CSMD1: variants seen among roughly 807,000 people sequenced by gnomAD.
The protein encoded by CSMD1 is CUB and Sushi multiple domains 1.
Under a neutral mutation model 417.5 loss-of-function variants are expected in CSMD1, and 213 were observed. The ratio of observed to expected loss-of-function variants is 0.51; its 90% CI spans 0.46 to 0.57. The LOEUF (loss-of-function observed/expected upper bound fraction) is 0.57. Ranked by LOEUF, CSMD1 falls within the 20% of genes least tolerant of loss-of-function variation. CSMD1 has a pLI of 0.00. For synonymous variants in CSMD1, 2,862 were observed against 1,736.8 expected (o/e 1.65, Z -16.11); for missense variants, 6,923 against 4,529.7 (o/e 1.53, Z -15.17).
intron 1 of CSMD1, chr8:4,787,572 T>C (rs1429004490): frequency 4.7e-6 from 7 of 1,495,960 alleles, no homozygotes; most frequent in East Asian, 2.3e-5. Flanking sequence ...ACAGCTTTCA[T>C]TGCACCCCAG....
In CSMD1 at chr8:3,537,771, A is replaced by G. The variant is rs117741756; in HGVS notation, c.1344+37174T>C. 9.3e-3 allele frequency among the ~76,000 whole-genome samples: 1,422 copies of G among 152,332 alleles called. 10 individuals are homozygous for G. Among genetic ancestry groups the G allele is most frequent in the Non-Finnish European group, 0.014 (986 of 68,012 alleles). On this transcript the variant is annotated intron_variant, in intron 10 of 69. Coordinates refer to ENST00000635120, the MANE Select transcript of CSMD1 (RefSeq NM_033225.6). ...TTTTATTTAGGACAGTAAAACAAGA[A>G]CACTTCACCAATTAAAGAGTCTCAT... is the stretch of plus-strand genomic sequence containing the variant.
At chr8:4,248,149 G>C (rs183496115) in intron 3 of CSMD1, among the ~76,000 whole-genome samples, 1 of 151,890 alleles carries the variant, frequency 6.6e-6, no homozygotes, top group African/African-American at 2.4e-5. Context: ...TTTGTAATTA[G>C]AAGAAAAAAA....
At chr8:4,121,280 C>G (rs1206430984) in intron 3 of CSMD1, among the ~76,000 whole-genome samples, 1 of 151,780 alleles carries the variant, frequency 6.6e-6, no homozygotes, top group Non-Finnish European at 1.5e-5. Context: ...ACACCCAGCT[C>G]GTTTTTGTAT....
At chr8:4,384,725 C>G (rs904104890) in intron 3 of CSMD1, among the ~76,000 whole-genome samples, 3 of 152,198 alleles carry the variant, frequency 2.0e-5, no homozygotes, top group East Asian at 3.9e-4. Flanking sequence ...TGCACACACT[C>G]TATGGAGCAA....
chr8:4,358,898 G>A (rs1025235128), intron 3 of CSMD1, among the ~76,000 whole-genome samples: 3 of 151,958 alleles, frequency 2.0e-5, no homozygotes, highest in Non-Finnish European at 2.9e-5. Context: ...TAAAACTACA[G>A]GACAGTGAAC....
At chr8:4,076,213 G>T (rs183015635) in intron 3 of CSMD1, among the ~76,000 whole-genome samples, 3 of 152,134 alleles carry the variant, frequency 2.0e-5, no homozygotes, top group African/African-American at 4.8e-5. Context: ...AATGGTTTTA[G>T]AAGGGGCTTT....
Position 4,556,206 on chromosome 8 carries a change from G to C in CSMD1, c.302+81136C>G, listed in dbSNP as rs571529637. On this transcript the variant is annotated intron_variant, in intron 2 of 69. Coordinates refer to ENST00000635120, the MANE Select transcript of CSMD1 (RefSeq NM_033225.6). ...ATTTACGACAACATTTTATTATGGGGATACTTTATATCAGAAAAGTTAGGA... is the reference window on the plus strand; with the variant it reads ...ATTTACGACAACATTTTATTATGGGCATACTTTATATCAGAAAAGTTAGGA... Among the ~76,000 whole-genome samples the C allele has an allele frequency of 7.9e-5, 12 of 152,212 alleles. No homozygotes were observed. The South Asian group carries it at 2.3e-3, about 29-fold the overall frequency.
Position 3,060,381 on chromosome 8 carries a change from T to A in CSMD1, c.7475-7734A>T, listed in dbSNP as rs1258429159. ...GACTGATCTTGAACTCCTGAACTCC[T>A]TGAACTCCTTGAACTCCTGAACTCC... is the stretch of plus-strand genomic sequence containing the variant. On this transcript the variant is annotated intron_variant, in intron 49 of 69. Coordinates refer to ENST00000635120, the MANE Select transcript of CSMD1 (RefSeq NM_033225.6). Among the ~76,000 whole-genome samples the A allele has an allele frequency of 2.0e-5, 3 of 152,044 alleles. No individual in the cohort carries two copies. In the East Asian group the frequency reaches 5.8e-4, roughly 29 times the overall value.
chr8:3,843,727 G>C (rs745398256), intron 5 of CSMD1, among the ~76,000 whole-genome samples: 1 of 152,142 alleles, frequency 6.6e-6, no homozygotes. Context: ...ACTGAAAGGA[G>C]GTGGCTGGTC....
At chr8:3,617,243 T>C (rs1006949763) in intron 7 of CSMD1, among the ~76,000 whole-genome samples, 16 of 152,342 alleles carry the variant, frequency 1.1e-4, no homozygotes, top group South Asian at 1.0e-3. Flanking sequence ...ACATTATGTA[T>C]ATTTTAAACA....
chr8:4,503,319 T>A (rs916568482), intron 2 of CSMD1, among the ~76,000 whole-genome samples: 1 of 152,172 alleles, frequency 6.6e-6, no homozygotes, highest in Non-Finnish European at 1.5e-5. Flanking sequence ...ATTCATTCAA[T>A]AACTATTGAG....
At chr8:3,165,121 G>T (rs145233550) in intron 37 of CSMD1, among the ~76,000 whole-genome samples, 8 of 152,110 alleles carry the variant, frequency 5.3e-5, no homozygotes, top group African/African-American at 1.9e-4. Flanking sequence ...CACAATATTT[G>T]AAATGTAAAA....
intron 1 of CSMD1, among the ~76,000 whole-genome samples, chr8:4,866,930 C>G (rs1802452635): frequency 6.6e-6 from 1 of 151,924 alleles, no homozygotes; most frequent in Admixed American, 6.5e-5. Context: ...GCAAAAACCA[C>G]AATTACTTTT....
intron 2 of CSMD1, among the ~76,000 whole-genome samples, chr8:4,433,082 T>A (rs1031107266): frequency 5.3e-5 from 8 of 152,154 alleles, no homozygotes; most frequent in Non-Finnish European, 1.0e-4. Flanking sequence ...ATCCAATGCC[T>A]GATGATCTGT....
chr8:3,464,678 ATT>A lies in CSMD1; in HGVS notation c.1561+4032_1561+4033del, dbSNP rs1293815276. On this transcript the variant is annotated intron_variant, in intron 12 of 69. Coordinates refer to ENST00000635120, the MANE Select transcript of CSMD1 (RefSeq NM_033225.6). ...TTTATATATAAATTGTATATGTAAA[ATT>A]TGTTTTAAAAATATATACTAGTCAT... Among the ~76,000 whole-genome samples, 18 of 151,448 alleles carry A rather than the reference ATT, an allele frequency of 1.2e-4. No individual in the cohort carries two copies. In the East Asian group the frequency reaches 3.5e-3, roughly 29 times the overall value.
chr8:4,915,619 G>T (rs567278822), intron 1 of CSMD1, among the ~76,000 whole-genome samples: 1 of 152,184 alleles, frequency 6.6e-6, no homozygotes, highest in Non-Finnish European at 1.5e-5. Flanking sequence ...ATTGAACTCT[G>T]GGCTAGCAGT....
At chr8:3,277,390 C>G (rs564455485) in intron 26 of CSMD1, among the ~76,000 whole-genome samples, 1 of 152,112 alleles carries the variant, frequency 6.6e-6, no homozygotes, top group Admixed American at 6.5e-5. Context: ...GAAGGAAGCC[C>G]GTGAGCAAGG....
chr8:3,793,174 A>T (rs1799844403), intron 5 of CSMD1, among the ~76,000 whole-genome samples: 2 of 152,028 alleles, frequency 1.3e-5, no homozygotes, highest in African/African-American at 4.8e-5. Flanking sequence ...GGGCTGATGG[A>T]TTTTGGCATT....
chr8:4,293,876 A>C (rs995021142), intron 3 of CSMD1, among the ~76,000 whole-genome samples: 1 of 151,874 alleles, frequency 6.6e-6, no homozygotes, highest in Admixed American at 6.5e-5. Context: ...CAGTGGTGAG[A>C]CCAGATTTAA....
Sources: allele counts gnomAD v4.1 joint callset (sites outside exome capture counted in the v4.1 genomes callset), GRCh38; gene constraint gnomAD v4.1.1; transcripts MANE v1.5; gene names NCBI Gene and HGNC (gene_info 2026-07-23, HGNC 2026-07-21).